The following RBFOX1 variants were observed in gnomAD, a reference collection of about 807,000 sequenced individuals.
RBFOX1 encodes the protein RNA binding protein fox-1 homolog 1.
RBFOX1 carries 8 observed loss-of-function variants against 57.7 expected under a neutral mutation model. That is an observed-to-expected ratio of 0.14 (90% CI 0.08 to 0.25). RBFOX1 has a LOEUF of 0.25. RBFOX1 is among the 10% of genes least tolerant of loss of function. The pLI is 1.00. For synonymous variants in RBFOX1, 326 were observed against 222.4 expected (o/e 1.47, Z -4.15); for missense variants, 611 against 548.5 (o/e 1.11, Z -1.14).
intron 4 of RBFOX1, among the ~76,000 whole-genome samples, chr16:7,497,827 C>T (rs377448532): frequency 2.0e-5 from 3 of 152,344 alleles, no homozygotes; most frequent in African/African-American, 7.2e-5. Flanking sequence ...ATTCTGCATA[C>T]TGGAGCGTTT....
intron 4 of RBFOX1, among the ~76,000 whole-genome samples, chr16:7,294,259 A>C (rs1233664407): frequency 6.6e-6 from 1 of 152,044 alleles, no homozygotes; most frequent in Non-Finnish European, 1.5e-5. Flanking sequence ...ACTTACATTC[A>C]GTCCTGTGCA....
chr16:6,092,795 C>G (rs932068384), intron 1 of RBFOX1: 1 of 152,046 alleles, frequency 6.6e-6, no homozygotes, highest in East Asian at 1.9e-4. Context: ...GTTACTGTAG[C>G]CTTGTAGTAT....
chr16:6,185,135 C>T (rs889544464), intron 1 of RBFOX1, among the ~76,000 whole-genome samples: 1 of 152,092 alleles, frequency 6.6e-6, no homozygotes, highest in Non-Finnish European at 1.5e-5. Context: ...CATTAGACAC[C>T]TTTAGACAGG....
intron 4 of RBFOX1, among the ~76,000 whole-genome samples, chr16:7,321,077 G>GTATACGTATACATATACATATACA (rs1555708943): frequency 1.4e-5 from 2 of 142,634 alleles, no homozygotes; most frequent in East Asian, 2.1e-4. Context: ...CTATCTATAC[G>GTATACGTATACATATACATATACA]TATACATATA....
intron 1 of RBFOX1, among the ~76,000 whole-genome samples, chr16:6,052,931 A>C (rs187652826): frequency 9.9e-5 from 15 of 152,168 alleles, no homozygotes; most frequent in Non-Finnish European, 2.1e-4. Flanking sequence ...TGAGCTCTTC[A>C]TAAATATTAG....
chr16:5,967,093 C>T (rs956513191), intron 4 of RBFOX1, among the ~76,000 whole-genome samples: 2 of 148,672 alleles, frequency 1.3e-5, no homozygotes, highest in Admixed American at 6.9e-5. Context: ...ATATAGTTGA[C>T]GGCTGCTTCT....
At chr16:6,497,848 C>G (rs1166585862) in intron 2 of RBFOX1, among the ~76,000 whole-genome samples, 3 of 152,078 alleles carry the variant, frequency 2.0e-5, no homozygotes, top group Admixed American at 2.0e-4. Context: ...TGAGTCACCA[C>G]TCCCGGCCCT....
rs202073067 is a variant in RBFOX1 at position 7,507,325 on chromosome 16, CAT to C, written c.28-10821_28-10820del. ...ACTCTTAACTATTTTATTCTTCTCT[CAT>C]GTGTGTAGATTATTTCATTTAAAGA... On this transcript the variant is annotated intron_variant, in intron 4 of 15. Transcript: ENST00000550418. 6.5e-3 allele frequency among the ~76,000 whole-genome samples: 995 copies of C among 152,232 alleles called. 7 individuals are homozygous for C. The highest frequency in any genetic ancestry group is 0.02 in the African/African-American group (811 of 41,516).
intron 4 of RBFOX1, among the ~76,000 whole-genome samples, chr16:7,166,210 T>G (rs1490221156): frequency 6.6e-6 from 1 of 152,040 alleles, no homozygotes; most frequent in Non-Finnish European, 1.5e-5. Context: ...GATGGGGTTT[T>G]GCCATGTAGG....
At chr16:6,305,479 C>T (rs1033804474) in intron 1 of RBFOX1, among the ~76,000 whole-genome samples, 11 of 152,002 alleles carry the variant, frequency 7.2e-5, no homozygotes, top group Non-Finnish European at 1.5e-5. Flanking sequence ...TACACATACT[C>T]ACATGCATAT....
At chr16:6,910,559 T>C (rs922851725) in intron 3 of RBFOX1, among the ~76,000 whole-genome samples, 7 of 152,126 alleles carry the variant, frequency 4.6e-5, no homozygotes, top group Non-Finnish European at 1.0e-4. Flanking sequence ...AAACGGCCCC[T>C]ATTGGGGTAA....
intron 4 of RBFOX1, among the ~76,000 whole-genome samples, chr16:7,506,947 G>C (rs997851137): frequency 6.6e-6 from 1 of 152,154 alleles, no homozygotes; most frequent in Non-Finnish European, 1.5e-5. Context: ...TGGGACATAT[G>C]TGCATACAGG....
At chr16:6,338,900 A>T (rs2084135990) in intron 2 of RBFOX1, among the ~76,000 whole-genome samples, 1 of 152,180 alleles carries the variant, frequency 6.6e-6, no homozygotes, top group African/African-American at 2.4e-5. Flanking sequence ...ATTAGTCAAG[A>T]ACTCATTCTC....
intron 1 of RBFOX1, among the ~76,000 whole-genome samples, chr16:6,235,104 C>G (rs2097495433): frequency 6.6e-6 from 1 of 152,170 alleles, no homozygotes; most frequent in Admixed American, 6.5e-5. Flanking sequence ...TCCTTACAGA[C>G]TCCACTAAGA....
chr16:7,663,359 C>G (rs1416903625), intron 12 of RBFOX1, among the ~76,000 whole-genome samples: 2 of 152,208 alleles, frequency 1.3e-5, no homozygotes, highest in Admixed American at 1.3e-4. Flanking sequence ...TTCCTACCAA[C>G]CTCCTTAGTG....
chr16:5,831,927 T>C (rs2056289271), intron 3 of RBFOX1, among the ~76,000 whole-genome samples: 1 of 152,146 alleles, frequency 6.6e-6, no homozygotes, highest in Non-Finnish European at 1.5e-5. Flanking sequence ...TGAAATAGAG[T>C]TCGGCACATG....
chr16:5,624,976 A>G (rs1189528660), intron 3 of RBFOX1, among the ~76,000 whole-genome samples: 1 of 152,154 alleles, frequency 6.6e-6, no homozygotes, highest in Non-Finnish European at 1.5e-5. Context: ...GGGCCGTGTG[A>G]TTGAGGGTGA....
intron 4 of RBFOX1, among the ~76,000 whole-genome samples, chr16:7,371,116 A>T (rs2097557847): frequency 6.6e-6 from 1 of 152,108 alleles, no homozygotes; most frequent in South Asian, 2.1e-4. Context: ...TGTTTTCATA[A>T]ATGCCAAGGC....
At chr16:6,843,077 G>C (rs1292612433) in intron 3 of RBFOX1, among the ~76,000 whole-genome samples, 1 of 152,050 alleles carries the variant, frequency 6.6e-6, no homozygotes, top group Non-Finnish European at 1.5e-5. Flanking sequence ...GGGCATTTGG[G>C]TTGGTTCCAA....
Sources: allele counts gnomAD v4.1 joint callset (sites outside exome capture counted in the v4.1 genomes callset), GRCh38; gene constraint gnomAD v4.1.1; transcripts MANE v1.5; gene names NCBI Gene and HGNC (gene_info 2026-07-23, HGNC 2026-07-21).